The following KLRC3 variants were observed in gnomAD, a reference collection of about 807,000 sequenced individuals.
The protein encoded by KLRC3 is NKG2-E type II integral membrane protein.
Under a neutral mutation model 23.6 loss-of-function variants are expected in KLRC3, and 16 were observed. The observed-to-expected ratio is 0.68, with a 90% confidence interval of 0.46 to 1.03. The LOEUF (loss-of-function observed/expected upper bound fraction) is 1.03. KLRC3 is among the 50% of genes least tolerant of loss of function. KLRC3 has a pLI of 0.00. For synonymous variants in KLRC3, 70 were observed against 71.8 expected, an observed-to-expected ratio of 0.98 and a Z score of 0.13; for missense variants, 209 against 232.2, an observed-to-expected ratio of 0.90 and a Z score of 0.65.
intron 6 of KLRC3, among the ~76,000 whole-genome samples, chr12:10,415,167 T>C (rs1299609624): frequency 6.6e-6 from 1 of 152,204 alleles, no homozygotes. Flanking sequence ...GTATATATTT[T>C]TGTTTTGGAC....
At chr12:10,417,733 T>G (rs1863666130) in intron 4 of KLRC3, among the ~76,000 whole-genome samples, 1 of 152,194 alleles carries the variant, frequency 6.6e-6, no homozygotes. Flanking sequence ...TCTAGAGACA[T>G]AAGACAGAAT....
At chr12:10,416,562 T>A in intron 5 of KLRC3, 105 bp downstream of exon 5, 2 of 1,342,872 alleles carry the variant, frequency 1.5e-6, no homozygotes, top group Non-Finnish European at 2.0e-6. Context: ...TCACTAACTT[T>A]CCACATCTTT....
chr12:10,415,900 A>T, intron 5 of KLRC3, 106 bp from the exon 6 acceptor site: 1 of 825,992 alleles, frequency 1.2e-6, no homozygotes, highest in Non-Finnish European at 1.9e-6. Flanking sequence ...GAAAAAGGGT[A>T]ATTAAATTTT....
intron 3 of KLRC3, among the ~76,000 whole-genome samples, chr12:10,418,754 C>T (rs1863681191): frequency 6.6e-6 from 1 of 152,108 alleles, no homozygotes; most frequent in South Asian, 2.1e-4. Context: ...TGTCTTGAAC[C>T]TCACTGATAC....
At chr12:10,417,335 G>A (rs1449691096) in intron 4 of KLRC3, among the ~76,000 whole-genome samples, 1 of 151,950 alleles carries the variant, frequency 6.6e-6, no homozygotes, top group Non-Finnish European at 1.5e-5. Flanking sequence ...AAAAGTAATG[G>A]AGAACTCTGA....
intron 3 of KLRC3, among the ~76,000 whole-genome samples, 164 bp downstream of exon 3, chr12:10,418,880 T>C (rs34487318): frequency 2.7e-4 from 41 of 151,758 alleles, no homozygotes; most frequent in South Asian, 6.3e-4. Flanking sequence ...TATTTCTACT[T>C]ACTGGAGAAA....
Position 10,418,365 on chromosome 12 carries a change from AC to A in KLRC3, c.464del (p.Cys155LeufsTer2), listed in dbSNP as rs771023854. 8.7e-6 allele frequency: 14 copies of A among 1,608,788 alleles called. No individual in the cohort carries two copies. In the African/African-American group the frequency reaches 1.9e-4, roughly 22 times the overall value. The stretch of plus-strand genomic sequence containing the variant: ...TTACCATTTCTTCTTCATTATCTAT[AC>A]AAAGCAGACTAGAAGAGTTCTTTGA... ...CASKNSSSLL[C>X]IDNEEEMKFL... On this transcript the variant is annotated frameshift_variant, in exon 4 of 7. Coordinates refer to ENST00000396439, the MANE Select transcript of KLRC3 (RefSeq NM_002261.3). LOFTEE classifies it high-confidence loss of function.
Position 10,412,367 on chromosome 12 carries a change from T to A in KLRC3, c.*205A>T, listed in dbSNP as rs1863588137. ...ATAACGGTCTGCATTTTAATATTAA[T>A]ATTTGTTGTAAATGACTAATGCTTA... is the stretch of plus-strand genomic sequence containing the variant. On this transcript the variant is annotated 3_prime_UTR_variant, in exon 7 of 7. Coordinates refer to ENST00000396439, the MANE Select transcript of KLRC3 (RefSeq NM_002261.3). The A allele has an allele frequency of 1.7e-6, 1 of 574,296 alleles. No homozygotes were observed. Among genetic ancestry groups the A allele is most frequent in the Admixed American group, 3.4e-5 (1 of 29,160 alleles). 35.6% of individuals were successfully genotyped at this position (574,296 alleles called of 1,614,324 possible). A position where few individuals can be genotyped will look rare whatever the true frequency, so the allele number is the denominator to read the frequency against.
intron 4 of KLRC3, among the ~76,000 whole-genome samples, chr12:10,418,057 A>G (rs921589952): frequency 1.3e-5 from 2 of 152,208 alleles, no homozygotes; most frequent in African/African-American, 4.8e-5. Context: ...TTTGTGATCA[A>G]TCTGCATGAC....
chr12:10,414,222 T>C (rs1213863215), intron 6 of KLRC3, among the ~76,000 whole-genome samples: 6 of 152,054 alleles, frequency 3.9e-5, no homozygotes, highest in Non-Finnish European at 7.4e-5. Context: ...AGTTTAACAT[T>C]TGACAAAAAT....
rs1863588378 is a variant in KLRC3, at chr12:10,412,403, T to C, written c.*169A>G. 2 of 627,204 alleles carry C rather than the reference T, an allele frequency of 3.2e-6. No homozygotes were observed. Among genetic ancestry groups the C allele is most frequent in the Non-Finnish European group, 5.6e-6 (2 of 354,576 alleles). 38.9% of individuals were successfully genotyped at this position (627,204 alleles called of 1,614,324 possible). ...AATGACTAATGCTTAAATCAAACTA[T>C]ATAGAGAGGGAAAAGTAATTTTTAA... On this transcript the variant is annotated 3_prime_UTR_variant, in exon 7 of 7. Transcript: ENST00000396439.
intron 6 of KLRC3, among the ~76,000 whole-genome samples, chr12:10,414,638 A>T (rs1863615063): frequency 6.6e-6 from 1 of 150,542 alleles, no homozygotes; most frequent in Admixed American, 6.6e-5. Flanking sequence ...GAGGGATAGC[A>T]TTAGGAGATA....
intron 5 of KLRC3, 63 bp downstream of exon 5, chr12:10,416,604 C>T: frequency 6.6e-7 from 1 of 1,509,626 alleles, no homozygotes; most frequent in Non-Finnish European, 9.0e-7. Context: ...TAGATTTATT[C>T]ATATTATTCT....
At position 10,415,776 on chromosome 12, in the gene KLRC3, A is replaced by G. The variant is rs1005473497; in HGVS notation, c.606T>C (p.His202=). The change falls in exon 6 of 7, where the codon CAT becomes CAC. Residue 202 remains histidine, a synonymous_variant. Transcript: ENST00000396439. ...GTAGCATTGCACAGTTACGTTCAGC[A>G]TGATCTGAGTCTTTTATCCTGTAAT... ...AFKHEIKDSD[H]AERNCAMLHV... The G allele has an allele frequency of 1.2e-6, 2 of 1,611,034 alleles. No homozygotes were observed. The highest frequency in any genetic ancestry group is 1.7e-6 in the Non-Finnish European group (2 of 1,178,656).
At position 10,415,711 on chromosome 12, in the gene KLRC3, CTT is replaced by C; in HGVS notation, c.669_670del (p.Arg224AsnfsTer3). 1 of 1,613,668 alleles carries C rather than the reference CTT, an allele frequency of 6.2e-7. No individual in the cohort carries two copies. The highest frequency in any genetic ancestry group is 1.1e-5 in the South Asian group (1 of 91,030). On this transcript the variant is annotated frameshift_variant, in exon 6 of 7. Coordinates refer to ENST00000396439, the MANE Select transcript of KLRC3 (RefSeq NM_002261.3). LOFTEE classifies it high-confidence loss of function. ...TCTAAAGCTTATGCTCACAATGATT[CTT>C]GAAGATCCACACTGGTCTGATATAA...
intron 5 of KLRC3, 100 bp downstream of exon 5, chr12:10,416,567 A>G (rs1003510784): frequency 3.6e-6 from 5 of 1,375,234 alleles, no homozygotes; most frequent in Admixed American, 2.3e-5. Flanking sequence ...AACTTTCCAC[A>G]TCTTTCTTCA....
intron 6 of KLRC3, among the ~76,000 whole-genome samples, chr12:10,413,794 A>G (rs1277200790): frequency 1.7e-5 from 1 of 59,056 alleles, no homozygotes; most frequent in Non-Finnish European, 3.6e-5. Flanking sequence ...CCACCCCCCG[A>G]CAGGCCCCGG....
intron 6 of KLRC3, 146 bp downstream of exon 6, chr12:10,415,558 A>G: frequency 7.8e-7 from 1 of 1,280,754 alleles, no homozygotes; most frequent in East Asian, 2.5e-5. Context: ...TCAATAATTG[A>G]TTTGGAATTT....
chr12:10,414,766 T>TAAAAAAAGAA (rs889456628), intron 6 of KLRC3, among the ~76,000 whole-genome samples: 2 of 140,744 alleles, frequency 1.4e-5, no homozygotes, highest in Non-Finnish European at 3.1e-5. Flanking sequence ...ATAATAATAA[T>TAAAAAAAGAA]AAAAAAAGAA....
Sources: gnomAD v4.1 joint callset for allele counts (sites outside exome capture counted in the v4.1 genomes callset) on GRCh38, gnomAD v4.1.1 for gene constraint, MANE v1.5 for transcripts, NCBI Gene and HGNC (gene_info 2026-07-23, HGNC 2026-07-21) for gene names.